Variants in CRYBG2 observed in about 807,000 individuals in gnomAD.
The protein encoded by CRYBG2 is beta/gamma crystallin domain-containing protein 2.
A neutral mutation model predicts 153.4 loss-of-function variants in CRYBG2; 106 were observed. The observed-to-expected ratio is 0.69, with a 90% confidence interval of 0.59 to 0.81. The LOEUF (loss-of-function observed/expected upper bound fraction) is 0.81. Ranked by LOEUF, CRYBG2 falls within the 30% of genes least tolerant of loss-of-function variation. The pLI, the probability that CRYBG2 is intolerant of heterozygous loss-of-function variation, is 0.00. For missense variants in CRYBG2, 1,996 were observed against 2,112.0 expected (o/e 0.95, Z 1.08); for synonymous variants, 851 against 877.8 (o/e 0.97, Z 0.54).
Position 26,345,092 on chromosome 1 carries a change from A to C in CRYBG2, c.1566T>G (p.Ala522=). The change falls in exon 2 of 20, where the codon GCT becomes GCG. Residue 522 remains alanine, a synonymous_variant. Transcript: ENST00000308182. ...CCTCTTTCCAGGTGGGGAACAAGGCAGCAGGAGCACTGGACCCCTGCACCA... is the reference window on the plus strand; with the variant it reads ...CCTCTTTCCAGGTGGGGAACAAGGCCGCAGGAGCACTGGACCCCTGCACCA... ...KEVVQGSSAP[A]ALFPTWKEVV... is the part of the protein sequence containing the mutation. 1.1e-6 allele frequency: 1 copy of C among 934,170 alleles called. No individual in the cohort carries two copies. Among genetic ancestry groups the C allele is most frequent in the Non-Finnish European group, 1.4e-6 (1 of 692,204 alleles). 57.9% of individuals were successfully genotyped at this position (934,170 alleles called of 1,614,324 possible).
chr1:26,328,506 T>A (rs1452071314), intron 16 of CRYBG2, 174 bp from the exon 17 acceptor site: 1 of 1,198,108 alleles, frequency 8.3e-7, no homozygotes, highest in Non-Finnish European at 1.1e-6. Context: ...GGAAGTAGAT[T>A]TGGGGTTTTC....
chr1:26,323,752 C>A (rs1465513449), intron 18 of CRYBG2, among the ~76,000 whole-genome samples: 1 of 152,092 alleles, frequency 6.6e-6, no homozygotes. Flanking sequence ...GTACCTGAGA[C>A]TACAGGCATG....
rs778006598 is a variant in CRYBG2, at chr1:26,342,870, C to T, written c.3088G>A (p.Glu1030Lys). Residue 1030 changes from glutamate to lysine, a missense_variant, in exon 5 of 20, where the codon GAA becomes AAA. By Grantham distance (56) the Glu-to-Lys change is moderately conservative. Transcript: ENST00000308182. ...RVVRGCWVLY[E>K]EPEFRGQKLV... ...TTCTGACCCCGGAACTCTGGCTCTT[C>T]GTACAGCACCCAGCTGTGGGCACAG... The T allele has an allele frequency of 1.4e-5, 22 of 1,614,004 alleles. No homozygotes were observed. Among genetic ancestry groups the T allele is most frequent in the Non-Finnish European group, 1.9e-5 (22 of 1,180,010 alleles).
intron 1 of CRYBG2, among the ~76,000 whole-genome samples, chr1:26,350,233 C>G (rs1557722708): frequency 6.6e-6 from 1 of 152,172 alleles, no homozygotes; most frequent in Admixed American, 6.5e-5. Context: ...AGGTTCTTAC[C>G]AGATGCACCC....
chr1:26,349,337 G>T (rs925423206), intron 1 of CRYBG2, among the ~76,000 whole-genome samples: 2 of 152,022 alleles, frequency 1.3e-5, no homozygotes, highest in African/African-American at 4.8e-5. Flanking sequence ...CCAGGATGAC[G>T]CGGCTATGAG....
intron 18 of CRYBG2, among the ~76,000 whole-genome samples, chr1:26,322,709 T>C (rs765973218): frequency 1.1e-4 from 16 of 152,286 alleles, no homozygotes; most frequent in South Asian, 4.1e-4. Context: ...TAAAAAGACC[T>C]GCCCCACGGT....
chr1:26,342,624 C>G, intron 5 of CRYBG2, 130 bp downstream of exon 5: 8 of 1,375,276 alleles, frequency 5.8e-6, no homozygotes, highest in Non-Finnish European at 3.0e-6. Context: ...GTCTCCAACT[C>G]CTGTCCTCAG....
Position 26,345,339 on chromosome 1 carries a change from G to C in CRYBG2, c.1319C>G (p.Ser440Trp), listed in dbSNP as rs567996032. 2 of 1,613,282 alleles carry C rather than the reference G, an allele frequency of 1.2e-6. No individual in the cohort carries two copies. Among genetic ancestry groups the C allele is most frequent in the African/African-American group, 1.3e-5 (1 of 74,908 alleles). The change falls in exon 2 of 20, where the codon TCG (serine) becomes TGG (tryptophan). Residue 440 changes from serine (S) to tryptophan (W), a missense_variant. Coordinates refer to ENST00000308182, the MANE Select transcript of CRYBG2 (RefSeq NM_001039775.4). ...CTGAACAAACTTATTCCTTGGGGACGATGGAGCAGAAAGACCTCCTGGGCT... is the reference window on the plus strand; with the variant it reads ...CTGAACAAACTTATTCCTTGGGGACCATGGAGCAGAAAGACCTCCTGGGCT... ...VPSPGGLSAP[S>W]SPRNKFVQNS...
At chr1:26,337,786 C>G in intron 8 of CRYBG2, 112 bp from the exon 9 acceptor site, 1 of 1,433,360 alleles carries the variant, frequency 7.0e-7, no homozygotes, top group Non-Finnish European at 9.4e-7. Context: ...CTCCCACCTC[C>G]TTGCTGAACT....
At chr1:26,348,657 G>A (rs375614314) in intron 1 of CRYBG2, among the ~76,000 whole-genome samples, 1,628 of 152,190 alleles carry the variant, frequency 0.011, 34 homozygotes, top group African/African-American at 0.037. Flanking sequence ...CCAGGTTCAA[G>A]CGATTCTCCT....
chr1:26,327,604 G>A (rs927739667), intron 17 of CRYBG2, among the ~76,000 whole-genome samples: 12 of 151,046 alleles, frequency 7.9e-5, no homozygotes, highest in Non-Finnish European at 1.8e-4. Context: ...AGCCGAGATC[G>A]TGCCATTGCA....
rs748229086 is a variant in CRYBG2 at position 26,346,086 on chromosome 1, C to T, written c.572G>A (p.Arg191Gln). 3.7e-5 allele frequency: 59 copies of T among 1,578,414 alleles called. No homozygotes were observed. The highest frequency in any genetic ancestry group is 4.3e-5 in the Non-Finnish European group (50 of 1,167,196). The change falls in exon 2 of 20, where the codon CGG (arginine) becomes CAG (glutamine). Residue 191 changes from arginine to glutamine, a missense_variant. By Grantham distance (43) the Arg-to-Gln change is conservative. Transcript: ENST00000308182. This position sits in a 1 kb window ranked among gnomAD's most constrained non-coding sequence, Gnocchi z 4.9. ...TTVVGGHVDR[R>Q]MSSSVTVRPV... ...CCTCACAGTCACAGAGCTGCTCATC[C>T]GCCGGTCCACATGACCTCCCACCAC... is the stretch of plus-strand genomic sequence containing the variant.
rs1226315347 is a variant in CRYBG2 at position 26,322,002 on chromosome 1, C to T, written c.4952G>A (p.Arg1651Lys). The T allele has an allele frequency of 1.9e-6, 3 of 1,604,694 alleles. No individual in the cohort carries two copies. Among genetic ancestry groups the T allele is most frequent in the African/African-American group, 2.7e-5 (2 of 74,740 alleles). ...HVVLWEPDED[R>K]ASQIWTIHVL ...GTGGATAGTCCAGATCTGGGATGCC[C>T]TGTCCTCATCCGGCTCCCATAGCAC... The change falls in exon 20 of 20, where the codon AGG becomes AAG. Residue 1651 changes from arginine to lysine, a missense_variant. Transcript: ENST00000308182.
chr1:26,341,265 C>T (rs1263996713), intron 5 of CRYBG2, among the ~76,000 whole-genome samples: 1 of 151,540 alleles, frequency 6.6e-6, no homozygotes, highest in Non-Finnish European at 1.5e-5. Context: ...CGCGTGAACC[C>T]AGGAGGCGGA....
At chr1:26,341,316 G>A (rs1040397305) in intron 5 of CRYBG2, among the ~76,000 whole-genome samples, 2 of 151,754 alleles carry the variant, frequency 1.3e-5, no homozygotes, top group Admixed American at 6.6e-5. Flanking sequence ...ACTCCAGCCT[G>A]GGCAACAGAG....
intron 14 of CRYBG2, among the ~76,000 whole-genome samples, chr1:26,333,044 A>AAAAAAAAAAAAAAAAAAAAT (rs1557707001): frequency 7.2e-6 from 1 of 138,166 alleles, no homozygotes; most frequent in Non-Finnish European, 1.5e-5. Flanking sequence ...AAAAAAAAAA[A>AAAAAAAAAAAAAAAAAAAAT]AAGATTTCTA....
rs1332406346 is a variant in CRYBG2, at chr1:26,344,164, C to T, written c.2494G>A (p.Glu832Lys). ...SLEEKEEEEE[E>K]EPENPYLSDD... ...CTCAGATAGGGGTTCTCTGGTTCCT[C>T]CTCCTCCTCCTCCTCTTTCTCTTCC... is the stretch of plus-strand genomic sequence containing the variant. Residue 832 changes from glutamate (E) to lysine (K), a missense_variant, in exon 2 of 20, where the codon GAG becomes AAG. Coordinates refer to ENST00000308182, the MANE Select transcript of CRYBG2 (RefSeq NM_001039775.4). 6.5e-7 allele frequency: 1 copy of T among 1,535,278 alleles called. No homozygotes were observed. Among genetic ancestry groups the T allele is most frequent in the Non-Finnish European group, 8.7e-7 (1 of 1,146,244 alleles).
chr1:26,328,080 T>C (rs925703649), intron 17 of CRYBG2, 129 bp downstream of exon 17: 1 of 1,321,098 alleles, frequency 7.6e-7, no homozygotes, highest in South Asian at 1.6e-5. Flanking sequence ...GGAATGACGA[T>C]GTGGCAAAAG....
intron 14 of CRYBG2, among the ~76,000 whole-genome samples, chr1:26,332,644 C>G (rs1338936048): frequency 2.0e-5 from 3 of 151,994 alleles, no homozygotes; most frequent in Middle Eastern, 3.4e-3. Flanking sequence ...GTAGCTGGGA[C>G]TACAGGCATG....
Sources: gnomAD v4.1 joint callset for allele counts (sites outside exome capture counted in the v4.1 genomes callset) on GRCh38, gnomAD v4.1.1 for gene constraint, Gnocchi (gnomAD v3.1) non-coding constraint, MANE v1.5 for transcripts, NCBI Gene and HGNC (gene_info 2026-07-23, HGNC 2026-07-21) for gene names.